Variants in SAMD8 observed in about 807,000 individuals in gnomAD.
SAMD8 encodes the protein sphingomyelin synthase-related protein 1.
In SAMD8, 20 loss-of-function variants were observed where a neutral mutation model predicts 42.0. The observed-to-expected ratio is 0.48, with a 90% CI of 0.34 to 0.69. The LOEUF (loss-of-function observed/expected upper bound fraction) is 0.69. Ranked by LOEUF, SAMD8 falls within the 30% of genes least tolerant of loss-of-function variation. The pLI, the probability that SAMD8 is intolerant of heterozygous loss-of-function variation, is 0.01. For synonymous variants in SAMD8, 162 were observed against 173.0 expected, an observed-to-expected ratio of 0.94 and a Z score of 0.50; for missense variants, 328 against 511.6, an observed-to-expected ratio of 0.64 and a Z score of 3.46.
At chr10:75,151,425 C>T (rs1239507651) in intron 2 of SAMD8, among the ~76,000 whole-genome samples, 1 of 151,942 alleles carries the variant, frequency 6.6e-6, no homozygotes, top group East Asian at 1.9e-4. Flanking sequence ...ATGACCATGG[C>T]TCACTGCAGT....
At chr10:75,138,933 A>C (rs1839954146) in intron 1 of SAMD8, among the ~76,000 whole-genome samples, 1 of 148,916 alleles carries the variant, frequency 6.7e-6, no homozygotes, top group African/African-American at 2.5e-5. Context: ...ATAGGTATTG[A>C]CCTTTGATGC....
chr10:75,153,536 C>A (rs2134490259), intron 2 of SAMD8, among the ~76,000 whole-genome samples: 1 of 151,668 alleles, frequency 6.6e-6, no homozygotes, highest in East Asian at 2.0e-4. Flanking sequence ...ATTGCTTGAA[C>A]CTGGGAGGCA....
chr10:75,132,900 G>A (rs1389331740), intron 1 of SAMD8, among the ~76,000 whole-genome samples: 2 of 152,128 alleles, frequency 1.3e-5, no homozygotes, highest in Non-Finnish European at 1.5e-5. Flanking sequence ...GAGGTGGGAA[G>A]ATCCCTTGGG....
At position 75,180,158 on chromosome 10, in the gene SAMD8, G is replaced by C. The variant is rs1841055740; in HGVS notation, c.*3466G>C. On this transcript the variant is annotated 3_prime_UTR_variant, in exon 6 of 6. Transcript: ENST00000542569. Reference sequence around the variant, plus strand: ...GGGGGAAACCTTTCGTGGCTGTGCTGCAAGAATTCTTTATGTGGCTATCCT... The same window carrying C: ...GGGGGAAACCTTTCGTGGCTGTGCTCCAAGAATTCTTTATGTGGCTATCCT... 6.6e-6 allele frequency: 1 copy of C among 151,658 alleles called. No individual in the cohort carries two copies. Among genetic ancestry groups the C allele is most frequent in the Non-Finnish European group, 1.5e-5 (1 of 67,960 alleles). 9.4% of individuals were successfully genotyped at this position (151,658 alleles called of 1,614,324 possible). A position where few individuals can be genotyped will look rare whatever the true frequency, so the allele number is the denominator to read the frequency against.
intron 2 of SAMD8, among the ~76,000 whole-genome samples, chr10:75,152,209 G>A (rs879302866): frequency 9.2e-5 from 14 of 151,758 alleles, no homozygotes; most frequent in Non-Finnish European, 1.5e-4. Context: ...AAAAAATGTA[G>A]TATATGTGTA....
intron 1 of SAMD8, among the ~76,000 whole-genome samples, chr10:75,129,263 A>G (rs1300555954): frequency 6.6e-6 from 1 of 151,662 alleles, no homozygotes; most frequent in Non-Finnish European, 1.5e-5. Flanking sequence ...TTGTTTTGAG[A>G]TGGAGTCTTG....
chr10:75,169,980 T>C (rs533146086), intron 4 of SAMD8, among the ~76,000 whole-genome samples: 1 of 152,310 alleles, frequency 6.6e-6, no homozygotes, highest in Admixed American at 6.5e-5. Context: ...TAAACTTTAC[T>C]CTTTCTGAGA....
intron 1 of SAMD8, chr10:75,105,708 G>T: frequency 6.4e-7 from 1 of 1,552,468 alleles, no homozygotes; most frequent in Non-Finnish European, 8.7e-7. Context: ...GGTCCAGCCT[G>T]CAGAGCTGGT....
At chr10:75,132,192 A>G (rs1015435650) in intron 1 of SAMD8, among the ~76,000 whole-genome samples, 2 of 152,208 alleles carry the variant, frequency 1.3e-5, no homozygotes, top group Non-Finnish European at 2.9e-5. Context: ...CACTGATGTT[A>G]CGTTAGGTCT....
chr10:75,155,960 C>T (rs1437798273), intron 2 of SAMD8, among the ~76,000 whole-genome samples: 2 of 152,146 alleles, frequency 1.3e-5, no homozygotes, highest in Admixed American at 6.6e-5. Flanking sequence ...CCTGTAATCC[C>T]AGCATTTTGG....
intron 1 of SAMD8, among the ~76,000 whole-genome samples, chr10:75,139,011 A>G (rs1022869427): frequency 6.8e-6 from 1 of 146,884 alleles, no homozygotes; most frequent in Admixed American, 6.9e-5. Flanking sequence ...CCCAGGCTAG[A>G]GGGCAATGGT....
At chr10:75,122,619 A>C (rs901076552) in intron 1 of SAMD8, among the ~76,000 whole-genome samples, 1 of 151,806 alleles carries the variant, frequency 6.6e-6, no homozygotes, top group Non-Finnish European at 1.5e-5. Flanking sequence ...TCTCAAAAAA[A>C]AAAAAAAAAA....
intron 1 of SAMD8, chr10:75,105,665 C>T (rs1466769240): frequency 6.5e-7 from 1 of 1,548,518 alleles, no homozygotes; most frequent in African/African-American, 1.4e-5. Flanking sequence ...CCTCACCTGG[C>T]CCCTCAGCTC....
At chr10:75,161,935 G>A (rs1471456323) in intron 2 of SAMD8, among the ~76,000 whole-genome samples, 1 of 152,078 alleles carries the variant, frequency 6.6e-6, no homozygotes, top group East Asian at 1.9e-4. Context: ...TACTCGGGAG[G>A]CTGAGACAGG....
chr10:75,155,726 T>A (rs568489461), intron 2 of SAMD8, among the ~76,000 whole-genome samples: 2 of 152,322 alleles, frequency 1.3e-5, no homozygotes, highest in Non-Finnish European at 2.9e-5. Flanking sequence ...TTGTAATAAT[T>A]ATAAATATTG....
intron 1 of SAMD8, among the ~76,000 whole-genome samples, chr10:75,113,646 C>T (rs1848819543): frequency 6.6e-6 from 1 of 152,182 alleles, no homozygotes; most frequent in Non-Finnish European, 1.5e-5. Context: ...ATGTGACATA[C>T]CCTCAGATGC....
intron 2 of SAMD8, among the ~76,000 whole-genome samples, chr10:75,151,554 G>T (rs755215015): frequency 6.6e-6 from 1 of 151,918 alleles, no homozygotes; most frequent in African/African-American, 2.4e-5. Context: ...GAGTCCCACC[G>T]TGTTGCCCAG....
chr10:75,128,624 A>G (rs1160545248), intron 1 of SAMD8, among the ~76,000 whole-genome samples: 2 of 152,210 alleles, frequency 1.3e-5, no homozygotes, highest in Admixed American at 6.5e-5. Flanking sequence ...AAACTAAACT[A>G]TATTGTTTAT....
intron 1 of SAMD8, among the ~76,000 whole-genome samples, chr10:75,143,017 C>T (rs1840056040): frequency 6.6e-6 from 1 of 151,410 alleles, no homozygotes; most frequent in Non-Finnish European, 1.5e-5. Flanking sequence ...AAGTTAAAAG[C>T]TGGTACTGCG....
Sources: gnomAD v4.1 joint callset for allele counts (sites outside exome capture counted in the v4.1 genomes callset) on GRCh38, gnomAD v4.1.1 for gene constraint, MANE v1.5 for transcripts, NCBI Gene and HGNC (gene_info 2026-07-23, HGNC 2026-07-21) for gene names.